The following DAB1 variants were observed in gnomAD, a reference collection of about 807,000 sequenced individuals.
DAB1 encodes disabled homolog 1.
A neutral mutation model predicts 64.6 loss-of-function variants in DAB1; 15 were observed. That is an observed-to-expected ratio of 0.23 (90% CI 0.16 to 0.36). The LOEUF is 0.36. Ranked by LOEUF, DAB1 falls within the 10% of genes least tolerant of loss-of-function variation. The pLI, the probability that DAB1 is intolerant of heterozygous loss-of-function variation, is 1.00. For synonymous variants in DAB1, 235 were observed against 251.9 expected, an observed-to-expected ratio of 0.93 and a Z score of 0.64; for missense variants, 596 against 706.7, an observed-to-expected ratio of 0.84 and a Z score of 1.78.
chr1:57,186,316 C>A (rs1401223520), intron 2 of DAB1, among the ~76,000 whole-genome samples: 1 of 152,184 alleles, frequency 6.6e-6, no homozygotes, highest in Admixed American at 6.5e-5. Flanking sequence ...CATGTTGTGT[C>A]CAGCTCTCCA....
intron 2 of DAB1, among the ~76,000 whole-genome samples, chr1:57,158,487 G>A (rs1241384797): frequency 1.3e-5 from 2 of 152,184 alleles, no homozygotes; most frequent in African/African-American, 4.8e-5. Flanking sequence ...TCGAAAGGTT[G>A]TTTTACTTTC....
intron 3 of DAB1, among the ~76,000 whole-genome samples, chr1:58,382,451 A>G (rs1019515742): frequency 1.3e-5 from 2 of 152,196 alleles, no homozygotes; most frequent in African/African-American, 4.8e-5. Context: ...GCCAACCCAG[A>G]TGTCTCCAAG....
intron 2 of DAB1, among the ~76,000 whole-genome samples, chr1:57,246,494 A>G (rs555740093): frequency 7.4e-4 from 112 of 152,358 alleles, no homozygotes; most frequent in African/African-American, 2.6e-3. Flanking sequence ...CTGGATGTCC[A>G]GGTAGAAGTC....
chr1:57,414,819 A>G (rs932250753), intron 1 of DAB1, among the ~76,000 whole-genome samples: 2 of 152,246 alleles, frequency 1.3e-5, no homozygotes, highest in African/African-American at 4.8e-5. Flanking sequence ...ATGCCCTTTG[A>G]AGAAAATTAT....
intron 4 of DAB1, among the ~76,000 whole-genome samples, chr1:58,235,390 G>A (rs625423): frequency 0.74 from 112,772 of 152,114 alleles, 42,650 homozygotes; most frequent in African/African-American, 0.84. Flanking sequence ...AGGCTGTTAT[G>A]TATTTATTTC....
chr1:57,737,884 C>T (rs1647774473), intron 6 of DAB1, among the ~76,000 whole-genome samples: 1 of 152,178 alleles, frequency 6.6e-6, no homozygotes, highest in Non-Finnish European at 1.5e-5. Context: ...AAACATCTGC[C>T]CCCCTCTGCC....
chr1:57,755,130 T>A (rs1001044444), intron 6 of DAB1, among the ~76,000 whole-genome samples: 3 of 152,162 alleles, frequency 2.0e-5, no homozygotes, highest in Non-Finnish European at 4.4e-5. Flanking sequence ...TTCTCTTTCT[T>A]TCTCTCCTCC....
chr1:58,151,658 A>ACAGG (rs1465160190), intron 4 of DAB1, among the ~76,000 whole-genome samples: 6 of 152,222 alleles, frequency 3.9e-5, no homozygotes, highest in African/African-American at 1.4e-4. Context: ...ACGCTGCCTT[A>ACAGG]CAGGCTCATT....
intron 4 of DAB1, among the ~76,000 whole-genome samples, chr1:58,325,749 T>C (rs1390888785): frequency 6.6e-6 from 1 of 152,254 alleles, no homozygotes; most frequent in Non-Finnish European, 1.5e-5. Context: ...TATTTGTTGC[T>C]GTGATTCTTT....
intron 4 of DAB1, among the ~76,000 whole-genome samples, chr1:58,263,880 C>T (rs1398799204): frequency 6.6e-6 from 1 of 152,210 alleles, no homozygotes; most frequent in African/African-American, 2.4e-5. Context: ...CAAAGCACAA[C>T]ATAAATGAAT....
intron 4 of DAB1, among the ~76,000 whole-genome samples, chr1:57,096,394 A>G (rs1430816240): frequency 6.6e-6 from 1 of 152,216 alleles, no homozygotes; most frequent in African/African-American, 2.4e-5. Context: ...ACCGCAAGAG[A>G]TATATTTAAA....
chr1:57,612,228 T>C (rs1395016770), intron 7 of DAB1, among the ~76,000 whole-genome samples: 1 of 152,154 alleles, frequency 6.6e-6, no homozygotes, highest in South Asian at 2.1e-4. Context: ...TGCATGTGTG[T>C]GCGTGTGTGT....
upstream of DAB1, among the ~76,000 whole-genome samples, chr1:57,885,149 A>G (rs1315396757): frequency 6.6e-6 from 1 of 152,250 alleles, no homozygotes; most frequent in East Asian, 1.9e-4. Flanking sequence ...ATGTTAGATT[A>G]TAAGCCATAA....
intron 3 of DAB1, among the ~76,000 whole-genome samples, chr1:58,405,232 A>G (rs1557750740): frequency 2.0e-5 from 3 of 152,088 alleles, no homozygotes; most frequent in Admixed American, 6.5e-5. Flanking sequence ...GTTCCTCATC[A>G]TGGGGGCTCC....
At chr1:57,274,443 CA>C (rs2100603655) in intron 2 of DAB1, among the ~76,000 whole-genome samples, 1 of 152,138 alleles carries the variant, frequency 6.6e-6, no homozygotes, top group South Asian at 2.1e-4. Flanking sequence ...TAAGTTAAGA[CA>C]AAAAACACAT....
intron 7 of DAB1, among the ~76,000 whole-genome samples, chr1:57,511,976 G>C (rs963787994): frequency 1.3e-5 from 2 of 152,108 alleles, no homozygotes; most frequent in African/African-American, 4.8e-5. Context: ...TACTCTGCCA[G>C]ATACAGTGTC....
intron 7 of DAB1, among the ~76,000 whole-genome samples, chr1:57,639,371 T>G (rs1270377262): frequency 6.7e-6 from 1 of 148,188 alleles, no homozygotes; most frequent in Non-Finnish European, 1.5e-5. Context: ...ATAAAGAACT[T>G]TAGTAAATAA....
chr1:57,961,228 T>G (rs945932449), intron 5 of DAB1, among the ~76,000 whole-genome samples: 1 of 152,178 alleles, frequency 6.6e-6, no homozygotes, highest in Non-Finnish European at 1.5e-5. Flanking sequence ...AATATACGCA[T>G]GTGTATACAT....
At chr1:57,525,019 A>G (rs1215562359) in intron 7 of DAB1, among the ~76,000 whole-genome samples, 1 of 152,234 alleles carries the variant, frequency 6.6e-6, no homozygotes, top group Non-Finnish European at 1.5e-5. Flanking sequence ...TTTACAACCC[A>G]AAGTCTGCAT....
Sources: allele counts gnomAD v4.1 joint callset (sites outside exome capture counted in the v4.1 genomes callset), GRCh38; gene constraint gnomAD v4.1.1; transcripts MANE v1.5; gene names NCBI Gene and HGNC (gene_info 2026-07-23, HGNC 2026-07-21).